Variants in FAP observed in about 807,000 individuals in gnomAD.
The protein encoded by FAP is fibroblast activation protein alpha.
FAP carries 110 observed loss-of-function variants against 126.5 expected under a neutral mutation model. The ratio of observed to expected loss-of-function variants is 0.87; its 90% CI spans 0.74 to 1.02. The LOEUF (loss-of-function observed/expected upper bound fraction) is 1.02. Ranked by LOEUF, FAP falls within the 50% of genes least tolerant of loss-of-function variation. FAP has a pLI of 0.00. For synonymous variants in FAP, 334 were observed against 297.3 expected (o/e 1.12, Z -1.27); for missense variants, 919 against 909.2 (o/e 1.01, Z -0.14).
At chr2:162,235,971 G>A (rs372038351) in intron 2 of FAP, among the ~76,000 whole-genome samples, 6 of 152,260 alleles carry the variant, frequency 3.9e-5, no homozygotes, top group African/African-American at 4.8e-5. Flanking sequence ...CTTTGATAAG[G>A]TTGGGGAATT....
chr2:162,237,575 C>T (rs796781636), intron 2 of FAP, among the ~76,000 whole-genome samples: 8 of 152,336 alleles, frequency 5.3e-5, no homozygotes, highest in African/African-American at 1.7e-4. Context: ...TGTATATGTG[C>T]CACATTTTCT....
rs1687297454 is a variant in FAP at position 162,171,320 on chromosome 2, C to T, written c.2182-240G>A. The stretch of plus-strand genomic sequence containing the variant: ...TTAGATCTCAGTGGCTGAGATCTCG[C>T]ATCATCCAGCATCCTGGAAGATCAG... On this transcript the variant is annotated intron_variant, in intron 25 of 25. Transcript: ENST00000188790. The T allele has an allele frequency of 1.7e-5, 6 of 350,158 alleles. No individual in the cohort carries two copies. The South Asian group carries it at 2.7e-4, about 16-fold the overall frequency. The allele number at this position is 350,158 out of a possible 1,614,324, so 21.7% of individuals were successfully genotyped here. A position where few individuals can be genotyped will look rare whatever the true frequency, so the allele number is the denominator to read the frequency against.
intron 1 of FAP, 122 bp from the exon 2 acceptor site, chr2:162,243,114 C>T: frequency 1.2e-6 from 1 of 864,882 alleles, no homozygotes; most frequent in Non-Finnish European, 1.9e-6. Flanking sequence ...TTGTTTTCCA[C>T]TGATCCGGCT....
intron 12 of FAP, among the ~76,000 whole-genome samples, chr2:162,203,682 G>A (rs1688586504): frequency 6.6e-6 from 1 of 152,176 alleles, no homozygotes; most frequent in Admixed American, 6.5e-5. Flanking sequence ...AGTTGCCTAT[G>A]TTGGGGGAGG....
chr2:162,219,439 T>A (rs1172379029), intron 7 of FAP, among the ~76,000 whole-genome samples: 1 of 152,168 alleles, frequency 6.6e-6, no homozygotes, highest in Admixed American at 6.5e-5. Context: ...AATAAATAAT[T>A]ATGTATATTG....
intron 21 of FAP, among the ~76,000 whole-genome samples, chr2:162,180,606 G>A (rs1222158873): frequency 1.3e-5 from 2 of 152,184 alleles, no homozygotes; most frequent in East Asian, 3.9e-4. Flanking sequence ...ATGTTTAAAG[G>A]TAGAATTGAC....
At chr2:162,202,720 A>C in intron 14 of FAP, 152 bp downstream of exon 14, 1 of 497,612 alleles carries the variant, frequency 2.0e-6, no homozygotes, top group Non-Finnish European at 3.5e-6. Flanking sequence ...TTGACTAGTT[A>C]TTAAAAATGT....
intron 21 of FAP, among the ~76,000 whole-genome samples, chr2:162,180,243 A>G (rs763963545): frequency 1.2e-4 from 18 of 152,196 alleles, no homozygotes; most frequent in Non-Finnish European, 2.5e-4. Context: ...GCAGAGTCCT[A>G]TAAAATACAT....
rs1559801758 is a variant in FAP at position 162,243,315 on chromosome 2, T to C, written c.6+7A>G. On this transcript the variant is annotated splice_region_variant and intron_variant, in intron 1 of 25. Coordinates refer to ENST00000188790, the MANE Select transcript of FAP (RefSeq NM_004460.5). Reference sequence around the variant, plus strand: ...TTTTAAGAATACTTGAGGTTGCTTATACTAACCTTCATTTTTCCAGATGTT... The same window carrying C: ...TTTTAAGAATACTTGAGGTTGCTTACACTAACCTTCATTTTTCCAGATGTT... 2.5e-6 allele frequency: 4 copies of C among 1,606,208 alleles called. No homozygotes were observed. The highest frequency in any genetic ancestry group is 1.3e-5 in the African/African-American group (1 of 74,738).
chr2:162,219,897 G>A lies in FAP; in HGVS notation c.442C>T (p.Arg148Cys), dbSNP rs780814608. Residue 148 changes from arginine (R) to cysteine (C), a missense_variant, in exon 7 of 26, where the codon CGT (arginine) becomes TGT (cysteine). Arg to Cys is a radical substitution (Grantham distance 180). Transcript: ENST00000188790. ...GEFVRGNELP[R>C]PIQYLCWSPV... is the part of the protein sequence containing the mutation. ...GACCAGCATAAATACTGAATTGGAC[G>A]AGGAAGCTCATTTCCTCTTACAAAT... 9 of 1,612,654 alleles carry A rather than the reference G, an allele frequency of 5.6e-6. No individual in the cohort carries two copies. Among genetic ancestry groups the A allele is most frequent in the South Asian group, 1.1e-5 (1 of 90,968 alleles).
At chr2:162,198,200 G>A (rs1478399248) in intron 16 of FAP, 4 of 1,289,366 alleles carry the variant, frequency 3.1e-6, no homozygotes, top group African/African-American at 3.0e-5. Context: ...AATTTAGAAA[G>A]GACAAAGGTT....
rs1689695027 is a variant in FAP at position 162,227,272 on chromosome 2, A to T, written c.92-651T>A. ...CCCCTTGATCTATGCAAAATATCTTAGAAATTCCAAGAGTAGAGGGTTTTC... is the reference window on the plus strand; with the variant it reads ...CCCCTTGATCTATGCAAAATATCTTTGAAATTCCAAGAGTAGAGGGTTTTC... On this transcript the variant is annotated intron_variant, in intron 2 of 25. Transcript: ENST00000188790. Among the ~76,000 whole-genome samples the T allele has an allele frequency of 3.9e-5, 6 of 152,196 alleles. No individual in the cohort carries two copies. The South Asian group carries it at 1.2e-3, about 31-fold the overall frequency.
At chr2:162,220,056 A>G in intron 6 of FAP, 131 bp from the exon 7 acceptor site, 1 of 642,678 alleles carries the variant, frequency 1.6e-6, no homozygotes, top group Non-Finnish European at 2.7e-6. Context: ...CACAAACCTA[A>G]TGAAAAGAAT....
intron 12 of FAP, among the ~76,000 whole-genome samples, chr2:162,207,912 T>C (rs2106257210): frequency 6.6e-6 from 1 of 150,718 alleles, no homozygotes; most frequent in South Asian, 2.1e-4. Flanking sequence ...GGTTTCACAG[T>C]GTTAGCCAGG....
In FAP at chr2:162,214,067, A is replaced by G. The variant is rs1312187723; in HGVS notation, c.873T>C (p.Tyr291=). 6.2e-7 allele frequency: 1 copy of G among 1,613,908 alleles called. No homozygotes were observed. Among genetic ancestry groups the G allele is most frequent in the Admixed American group, 1.7e-5 (1 of 59,978 alleles). The change falls in exon 11 of 26, where the codon TAT becomes TAC. Residue 291 remains tyrosine (Y), a synonymous_variant. Transcript: ENST00000188790. The stretch of plus-strand genomic sequence containing the variant: ...TAACCCACGTGAGCCAACTGAAATA[A>G]TAATCACTGCAAATAAAATAGAAAC... ...PVPAMIASSD[Y]YFSWLTWVTD...
At position 162,218,000 on chromosome 2, in the gene FAP, T is replaced by C. The variant is rs370994596; in HGVS notation, c.748A>G (p.Ile250Val). The C allele has an allele frequency of 1.9e-6, 3 of 1,576,816 alleles. No individual in the cohort carries two copies. In the African/African-American group the frequency reaches 4.1e-5, roughly 22 times the overall value. ...GDEQYPRTINIPYPKAGAKNP... is the reference protein window; with the variant it reads ...GDEQYPRTINVPYPKAGAKNP... ...ATTCAACATACCTTTGGGTATGGAA[T>C]ATTTATTGTTCTAGGATATTGTTCA... Residue 250 changes from isoleucine (I) to valine (V), a missense_variant, in exon 9 of 26, where the codon ATT (isoleucine) becomes GTT (valine). By Grantham distance (29) the Ile-to-Val change is conservative. Transcript: ENST00000188790.
intron 17 of FAP, among the ~76,000 whole-genome samples, chr2:162,190,483 C>A (rs1285444793): frequency 6.6e-6 from 1 of 152,002 alleles, no homozygotes; most frequent in African/African-American, 2.4e-5. Context: ...TATACTTGAG[C>A]TCAGTTATAT....
intron 16 of FAP, among the ~76,000 whole-genome samples, chr2:162,196,175 A>G (rs1688246071): frequency 2.6e-5 from 4 of 152,160 alleles, no homozygotes; most frequent in Admixed American, 2.6e-4. Context: ...CAGCTTTACC[A>G]CATTTTCCAA....
rs561098256 is a variant in FAP at position 162,190,395 on chromosome 2, T to TAC, written c.1451-643_1451-642dup. ...GTAAGACAACAATATATATTGTGTA[T>TAC]ACACACACACACACACACAAACACA... On this transcript the variant is annotated intron_variant, in intron 17 of 25. Transcript: ENST00000188790. Among the ~76,000 whole-genome samples the TAC allele has an allele frequency of 6.9e-3, 1,041 of 150,392 alleles. 2 individuals carry two copies. The highest frequency in any genetic ancestry group is 0.011 in the African/African-American group (442 of 41,166).
Sources: gnomAD v4.1 joint callset for allele counts (sites outside exome capture counted in the v4.1 genomes callset) on GRCh38, gnomAD v4.1.1 for gene constraint, MANE v1.5 for transcripts, NCBI Gene and HGNC (gene_info 2026-07-23, HGNC 2026-07-21) for gene names.